Variants in KCTD8 observed in about 807,000 individuals in gnomAD.
KCTD8 encodes BTB/POZ domain-containing protein KCTD8.
KCTD8 carries 27 observed loss-of-function variants against 31.5 expected under a neutral mutation model. The ratio of observed to expected loss-of-function variants is 0.86; its 90% CI spans 0.63 to 1.18. The LOEUF (loss-of-function observed/expected upper bound fraction) is 1.18, where lower values mean the gene tolerates loss of function less well. KCTD8 is among the 50% of genes most tolerant of loss of function. KCTD8 has a pLI of 0.00. For missense variants in KCTD8, 658 were observed against 647.7 expected (o/e 1.02, Z -0.17); for synonymous variants, 290 against 280.0 (o/e 1.04, Z -0.36).
At chr4:44,370,190 C>T (rs539513928) in intron 1 of KCTD8, among the ~76,000 whole-genome samples, 2 of 152,258 alleles carry the variant, frequency 1.3e-5, no homozygotes, top group East Asian at 3.9e-4. Context: ...CCTGCTTTCT[C>T]CTACAGAGAA....
At chr4:44,348,104 G>A (rs1224296483) in intron 1 of KCTD8, among the ~76,000 whole-genome samples, 1 of 151,960 alleles carries the variant, frequency 6.6e-6, no homozygotes, top group Admixed American at 6.6e-5. Context: ...AACATAGAAG[G>A]ACAAGGTAAA....
chr4:44,190,767 G>C (rs772710375), intron 1 of KCTD8, among the ~76,000 whole-genome samples: 5 of 152,194 alleles, frequency 3.3e-5, no homozygotes, highest in Non-Finnish European at 7.3e-5. Context: ...GAGAATGAGA[G>C]CTGAAAGGGA....
chr4:44,406,719 C>A (rs749288198), intron 1 of KCTD8, among the ~76,000 whole-genome samples: 25 of 151,940 alleles, frequency 1.6e-4, no homozygotes, highest in Non-Finnish European at 3.4e-4. Flanking sequence ...GGAATGACAA[C>A]CTTGACCAAA....
intron 1 of KCTD8, among the ~76,000 whole-genome samples, chr4:44,236,745 T>C (rs1715299893): frequency 6.6e-6 from 1 of 152,100 alleles, no homozygotes; most frequent in Non-Finnish European, 1.5e-5. Flanking sequence ...CAGAATGACA[T>C]GGTTTGGCTG....
intron 1 of KCTD8, chr4:44,293,798 C>A: frequency 2.2e-6 from 1 of 451,316 alleles, no homozygotes; most frequent in Admixed American, 2.4e-5. Context: ...TTTGAACTTA[C>A]GTAAGATTGA....
chr4:44,223,412 A>G (rs1273120561), intron 1 of KCTD8, among the ~76,000 whole-genome samples: 2 of 152,184 alleles, frequency 1.3e-5, no homozygotes, highest in African/African-American at 4.8e-5. Context: ...AGAGTCACAA[A>G]CATTTCTAAT....
chr4:44,417,842 A>T (rs979736282), intron 1 of KCTD8, among the ~76,000 whole-genome samples: 5 of 35,384 alleles, frequency 1.4e-4, no homozygotes, highest in African/African-American at 4.6e-4. Context: ...TGCCATTGCT[A>T]AGTGTTTGTT....
At position 44,384,998 on chromosome 4, in the gene KCTD8, A is replaced by C. The variant is rs1258384098; in HGVS notation, c.961+62565T>G. Among the ~76,000 whole-genome samples the C allele has an allele frequency of 4.6e-5, 7 of 151,742 alleles. No individual in the cohort carries two copies. In the East Asian group the frequency reaches 1.4e-3, roughly 29 times the overall value. Reference sequence around the variant, plus strand: ...GAAGAATATAGACCAAAAAAAAAGAAAATATATAGGAATAAGCTTAACCAA... The same window carrying C: ...GAAGAATATAGACCAAAAAAAAAGACAATATATAGGAATAAGCTTAACCAA... On this transcript the variant is annotated intron_variant, in intron 1 of 1. Coordinates refer to ENST00000360029, the MANE Select transcript of KCTD8 (RefSeq NM_198353.3).
chr4:44,425,562 C>T (rs1721325777), intron 1 of KCTD8, among the ~76,000 whole-genome samples: 1 of 151,956 alleles, frequency 6.6e-6, no homozygotes, highest in African/African-American at 2.4e-5. Context: ...GCACCTAGAA[C>T]CATTCCAGAC....
chr4:44,424,568 G>A (rs1386859095), intron 1 of KCTD8, among the ~76,000 whole-genome samples: 4 of 152,104 alleles, frequency 2.6e-5, no homozygotes, highest in African/African-American at 9.6e-5. Flanking sequence ...TATAATGTAT[G>A]AGGTTTTTCT....
chr4:44,347,265 T>C (rs1464587118), intron 1 of KCTD8, among the ~76,000 whole-genome samples: 2 of 152,214 alleles, frequency 1.3e-5, no homozygotes, highest in Non-Finnish European at 2.9e-5. Flanking sequence ...CATCTGAGTT[T>C]CTCTTGTTAA....
chr4:44,414,102 T>C lies in KCTD8; in HGVS notation c.961+33461A>G, dbSNP rs144536297. On this transcript the variant is annotated intron_variant, in intron 1 of 1. Coordinates refer to ENST00000360029, the MANE Select transcript of KCTD8 (RefSeq NM_198353.3). ...TTCAGACTTCTGATCTCCAGGACTATAGGAGAATAAACTGATTTTGTTTTA... is the reference window on the plus strand; with the variant it reads ...TTCAGACTTCTGATCTCCAGGACTACAGGAGAATAAACTGATTTTGTTTTA... Among the ~76,000 whole-genome samples, 1,401 of 152,156 alleles carry C rather than the reference T, an allele frequency of 9.2e-3. 17 individuals carry two copies. Among genetic ancestry groups the C allele is most frequent in the Middle Eastern group, 0.058 (17 of 292 alleles).
intron 1 of KCTD8, among the ~76,000 whole-genome samples, chr4:44,200,859 G>C (rs1252309598): frequency 1.3e-5 from 2 of 151,924 alleles, no homozygotes; most frequent in Non-Finnish European, 2.9e-5. Context: ...AAAAGAATTA[G>C]TTAAACACTC....
chr4:44,285,742 T>A (rs748289778), intron 1 of KCTD8, among the ~76,000 whole-genome samples: 4 of 152,114 alleles, frequency 2.6e-5, no homozygotes, highest in African/African-American at 4.8e-5. Flanking sequence ...AGCCCATAGA[T>A]CAAGGAGTAA....
rs989338168 is a variant in KCTD8 at position 44,342,241 on chromosome 4, C to T, written c.961+105322G>A. On this transcript the variant is annotated intron_variant, in intron 1 of 1. Coordinates refer to ENST00000360029, the MANE Select transcript of KCTD8 (RefSeq NM_198353.3). ...AAAAAAATTAACTGGGTGTGGCAGA[C>T]GCCTGTAGTCCCAGCTACTCTGGAG... 3.3e-5 allele frequency among the ~76,000 whole-genome samples: 5 copies of T among 151,910 alleles called. 1 individual carries two copies. The South Asian group carries it at 6.2e-4, about 19-fold the overall frequency.
intron 1 of KCTD8, among the ~76,000 whole-genome samples, chr4:44,321,039 T>A (rs1437760330): frequency 6.6e-6 from 1 of 152,208 alleles, no homozygotes; most frequent in African/African-American, 2.4e-5. Flanking sequence ...TCCCTTGTAA[T>A]GCTCATGGGC....
intron 1 of KCTD8, among the ~76,000 whole-genome samples, chr4:44,348,894 C>T (rs914613016): frequency 2.0e-5 from 3 of 152,144 alleles, no homozygotes; most frequent in Non-Finnish European, 4.4e-5. Flanking sequence ...ACAGTCCTCC[C>T]TCTTACTACC....
At chr4:44,253,570 C>G (rs1262375704) in intron 1 of KCTD8, among the ~76,000 whole-genome samples, 4 of 151,742 alleles carry the variant, frequency 2.6e-5, no homozygotes, top group Non-Finnish European at 4.4e-5. Flanking sequence ...CTCTTATATT[C>G]TTGCTCTTGG....
At chr4:44,278,093 T>C (rs957217332) in intron 1 of KCTD8, among the ~76,000 whole-genome samples, 2 of 152,028 alleles carry the variant, frequency 1.3e-5, no homozygotes, top group Non-Finnish European at 2.9e-5. Flanking sequence ...CTGTTTTTCA[T>C]CACTTTTGGT....
Sources: gnomAD v4.1 joint callset for allele counts (sites outside exome capture counted in the v4.1 genomes callset) on GRCh38, gnomAD v4.1.1 for gene constraint, MANE v1.5 for transcripts, NCBI Gene and HGNC (gene_info 2026-07-23, HGNC 2026-07-21) for gene names.